SLC12A7: variants seen among roughly 807,000 people sequenced by gnomAD.
The protein encoded by SLC12A7 is K-Cl cotransporter 4.
SLC12A7 carries 100 observed loss-of-function variants against 120.6 expected under a neutral mutation model. That is an observed-to-expected ratio of 0.83 (90% CI 0.71 to 0.98). The LOEUF is 0.98. Among genes scored for constraint, SLC12A7 ranks in the 50% least tolerant of loss-of-function variants. SLC12A7 has a pLI of 0.00. For synonymous variants in SLC12A7, 760 were observed against 678.0 expected, an observed-to-expected ratio of 1.12 and a Z score of -1.88; for missense variants, 1,373 against 1,548.1, an observed-to-expected ratio of 0.89 and a Z score of 1.90.
chr5:1,140,761 G>A, the SLC12A7 span, among the ~76,000 whole-genome samples: 1 of 152,264 alleles, frequency 6.6e-6, no homozygotes, highest in Non-Finnish European at 1.5e-5. Flanking sequence ...GGGGTGCAGG[G>A]AAGGGAGATT....
chr5:1,077,082 C>T (rs1738440443), intron 12 of SLC12A7, among the ~76,000 whole-genome samples: 1 of 150,600 alleles, frequency 6.6e-6, no homozygotes, highest in Non-Finnish European at 1.5e-5. Context: ...GTTTCCCCGA[C>T]CACACAACAC....
the SLC12A7 span, among the ~76,000 whole-genome samples, chr5:1,144,728 CAT>C: frequency 3.3e-5 from 5 of 152,354 alleles, no homozygotes; most frequent in African/African-American, 1.2e-4. Context: ...GCAGTGGGGA[CAT>C]GTGAGAAAAT....
At chr5:1,154,436 CTA>C in the SLC12A7 span, among the ~76,000 whole-genome samples, 1 of 151,794 alleles carries the variant, frequency 6.6e-6, no homozygotes, top group Non-Finnish European at 1.5e-5. Context: ...CAGACACACA[CTA>C]CACATAATAT....
At chr5:1,086,316 G>C (rs1311970920) in intron 6 of SLC12A7, among the ~76,000 whole-genome samples, 2 of 152,182 alleles carry the variant, frequency 1.3e-5, no homozygotes, top group African/African-American at 4.8e-5. Context: ...TGCAGGGACA[G>C]CGGGTTTCAG....
At chr5:1,115,845 G>A (rs930619636), upstream of SLC12A7, among the ~76,000 whole-genome samples, 37 of 138,384 alleles carry the variant, frequency 2.7e-4, no homozygotes, top group Middle Eastern at 3.5e-3. Flanking sequence ...AGAATCGGGG[G>A]AAGGGGGAGG....
upstream of SLC12A7, among the ~76,000 whole-genome samples, chr5:1,115,203 CAG>C (rs1743267114): frequency 1.3e-5 from 2 of 152,202 alleles, no homozygotes; most frequent in African/African-American, 4.8e-5. Flanking sequence ...GTGCAGGGCA[CAG>C]CCAGGGGAAC....
At chr5:1,073,487 G>T in intron 17 of SLC12A7, 146 bp downstream of exon 17, 1 of 920,734 alleles carries the variant, frequency 1.1e-6, no homozygotes, top group Non-Finnish European at 1.6e-6. Flanking sequence ...GCGCTGCTCT[G>T]AGCTCAAAGC....
intron 21 of SLC12A7, among the ~76,000 whole-genome samples, chr5:1,058,960 G>T (rs1285039091): frequency 1.3e-5 from 2 of 152,210 alleles, no homozygotes; most frequent in African/African-American, 4.8e-5. Flanking sequence ...GCTCGAGCTT[G>T]CTGTTCCCGC....
At chr5:1,152,946 C>T in the SLC12A7 span, among the ~76,000 whole-genome samples, 3 of 152,244 alleles carry the variant, frequency 2.0e-5, no homozygotes, top group East Asian at 5.8e-4. Flanking sequence ...CATGCAATTC[C>T]TGTGGCGCCC....
Position 1,074,583 on chromosome 5 carries a change from G to A in SLC12A7, c.2056C>T (p.His686Tyr), listed in dbSNP as rs761260349. Residue 686 changes from histidine (H) to tyrosine (Y), a missense_variant, in exon 16 of 24, where the codon CAC becomes TAC. Physicochemically the swap from His to Tyr is moderately conservative, Grantham distance 83. Coordinates refer to ENST00000264930, the MANE Select transcript of SLC12A7 (RefSeq NM_006598.3). ...ALLRVEHGPPHTKNWRPQVLV... is the reference protein window; with the variant it reads ...ALLRVEHGPPYTKNWRPQVLV... ...GGTGCTCACCTCCAGTTCTTGGTGT[G>A]GGGGGGACCGTGCTCCACGCGCAGC... The A allele has an allele frequency of 1.9e-6, 3 of 1,611,170 alleles. No individual in the cohort carries two copies. Among genetic ancestry groups the A allele is most frequent in the Non-Finnish European group, 2.5e-6 (3 of 1,178,804 alleles).
At chr5:1,054,987 G>A (rs532640673) in intron 22 of SLC12A7, among the ~76,000 whole-genome samples, 12 of 152,230 alleles carry the variant, frequency 7.9e-5, no homozygotes, top group Non-Finnish European at 1.3e-4. Flanking sequence ...AGGAGCACAG[G>A]GGGGTCGGAG....
chr5:1,126,821 C>T, the SLC12A7 span, among the ~76,000 whole-genome samples: 31 of 152,278 alleles, frequency 2.0e-4, no homozygotes, highest in Middle Eastern at 3.4e-3. Flanking sequence ...GCTTAAGGGA[C>T]GAGTCACCAC....
At chr5:1,061,167 ACC>A (rs1442483176) in intron 20 of SLC12A7, among the ~76,000 whole-genome samples, 1 of 26,276 alleles carries the variant, frequency 3.8e-5, no homozygotes, top group African/African-American at 5.4e-5. Flanking sequence ...GCCGTGCGGG[ACC>A]CCTGCGTCTC....
intron 22 of SLC12A7, among the ~76,000 whole-genome samples, chr5:1,054,567 G>C (rs1461560351): frequency 6.6e-6 from 1 of 152,232 alleles, no homozygotes; most frequent in African/African-American, 2.4e-5. Flanking sequence ...GTGTGGACTT[G>C]AAAGTCGGAG....
chr5:1,064,142 A>T lies in SLC12A7; in HGVS notation c.2548T>A (p.Trp850Arg). Residue 850 changes from tryptophan (W) to arginine (R), a missense_variant, in exon 19 of 24, where the codon TGG becomes AGG. By Grantham distance (101) the Trp-to-Arg change is moderately radical (BLOSUM62 -3). Transcript: ENST00000264930. ...AGCATGCCGCCGTCGTGCACGATCC[A>T]CCACACGTCGATGTGGCCCCCGCCG... ...RFGGGHIDVW[W>R]IVHDGGMLML... The T allele has an allele frequency of 1.2e-6, 2 of 1,611,884 alleles. No homozygotes were observed. Among genetic ancestry groups the T allele is most frequent in the Non-Finnish European group, 1.7e-6 (2 of 1,179,488 alleles).
chr5:1,089,499 C>G (rs1740257613), intron 3 of SLC12A7, among the ~76,000 whole-genome samples: 1 of 151,752 alleles, frequency 6.6e-6, no homozygotes, highest in East Asian at 1.9e-4. Flanking sequence ...ATCTGACACC[C>G]TGGGAGAGCC....
intron 4 of SLC12A7, 84 bp from the exon 5 acceptor site, chr5:1,088,444 C>T: frequency 1.4e-6 from 2 of 1,408,332 alleles, no homozygotes; most frequent in Non-Finnish European, 2.0e-6. Context: ...GGTCTATGAC[C>T]CGGCTCCCGC....
chr5:1,145,730 A>G, the SLC12A7 span, among the ~76,000 whole-genome samples: 1 of 152,126 alleles, frequency 6.6e-6, no homozygotes, highest in South Asian at 2.1e-4. This position sits in a 1 kb window ranked among gnomAD's most constrained non-coding sequence, Gnocchi z 4.4. Context: ...CTCCTCTCAG[A>G]AAACTAGAGG....
chr5:1,094,097 C>G, intron 2 of SLC12A7, 57 bp downstream of exon 2: 2 of 1,477,582 alleles, frequency 1.4e-6, no homozygotes, highest in Non-Finnish European at 1.9e-6. Context: ...GGCTCCTTTA[C>G]TTTTCCACAT....
Sources: gnomAD v4.1 joint callset for allele counts (sites outside exome capture counted in the v4.1 genomes callset) on GRCh38, gnomAD v4.1.1 for gene constraint, Gnocchi (gnomAD v3.1) non-coding constraint, MANE v1.5 for transcripts, NCBI Gene and HGNC (gene_info 2026-07-23, HGNC 2026-07-21) for gene names.